Variants in ARHGAP42 observed in about 807,000 individuals in gnomAD.
The protein encoded by ARHGAP42 is rho GTPase-activating protein 42.
A neutral mutation model predicts 125.0 loss-of-function variants in ARHGAP42; 63 were observed. That is an observed-to-expected ratio of 0.50 (90% CI 0.41 to 0.62). The LOEUF is 0.62. Among genes scored for constraint, ARHGAP42 ranks in the 20% least tolerant of loss-of-function variants. The pLI, the probability that ARHGAP42 is intolerant of heterozygous loss-of-function variation, is 0.00. For synonymous variants in ARHGAP42, 339 were observed against 351.0 expected (o/e 0.97, Z 0.38); for missense variants, 766 against 1,024.2 (o/e 0.75, Z 3.44).
intron 4 of ARHGAP42, among the ~76,000 whole-genome samples, chr11:100,874,394 C>G (rs1027267570): frequency 3.3e-5 from 5 of 152,156 alleles, no homozygotes; most frequent in Admixed American, 2.0e-4. Context: ...ACATCCAGAC[C>G]ATAGCAGTGA....
At chr11:100,774,692 A>G (rs1863073492) in intron 2 of ARHGAP42, among the ~76,000 whole-genome samples, 1 of 151,614 alleles carries the variant, frequency 6.6e-6, no homozygotes, top group South Asian at 2.1e-4. Flanking sequence ...AAGAGGATAA[A>G]AAAAGGTTTT....
intron 17 of ARHGAP42, among the ~76,000 whole-genome samples, chr11:100,971,187 GT>G (rs988193561): frequency 2.6e-5 from 4 of 151,830 alleles, no homozygotes; most frequent in Non-Finnish European, 1.5e-5. Context: ...TATTCTTTAA[GT>G]TTTTTTTATA....
At position 100,992,718 on chromosome 11, in the gene ARHGAP42, A is replaced by G; in HGVS notation, c.*3917A>G. ...GAATGATGTGGACTTTTAGAGGATCAAATCAATAAATTGGATTTTTTATTT... is the reference window on the plus strand; with the variant it reads ...GAATGATGTGGACTTTTAGAGGATCGAATCAATAAATTGGATTTTTTATTT... On this transcript the variant is annotated 3_prime_UTR_variant, in exon 24 of 24. Coordinates refer to ENST00000298815, the MANE Select transcript of ARHGAP42 (RefSeq NM_152432.4). 6.5e-7 allele frequency: 1 copy of G among 1,537,404 alleles called. No homozygotes were observed. The highest frequency in any genetic ancestry group is 8.7e-7 in the Non-Finnish European group (1 of 1,146,246).
In ARHGAP42 at chr11:100,977,040, A is replaced by G. The variant is rs1047192139; in HGVS notation, c.2393+69A>G. Reference sequence around the variant, plus strand: ...GAGAGGAGTTGAGTGTTTCAGAAGAACTCTTGGGAATCCCACAAGTTGAAT... The same window carrying G: ...GAGAGGAGTTGAGTGTTTCAGAAGAGCTCTTGGGAATCCCACAAGTTGAAT... On this transcript the variant is annotated intron_variant, in intron 21 of 23. Coordinates refer to ENST00000298815, the MANE Select transcript of ARHGAP42 (RefSeq NM_152432.4). The G allele has an allele frequency of 4.0e-6, 6 of 1,515,994 alleles. No homozygotes were observed. The Admixed American group carries it at 6.1e-5, about 15-fold the overall frequency. The allele number at this position is 1,515,994 out of a possible 1,614,324, so 93.9% of individuals were successfully genotyped here. A position where few individuals can be genotyped will look rare whatever the true frequency, so the allele number is the denominator to read the frequency against.
In ARHGAP42 at chr11:100,859,556, C is replaced by G. The variant is rs768948348; in HGVS notation, c.315C>G (p.Ile105Met). 7.2e-6 allele frequency: 11 copies of G among 1,521,798 alleles called. No individual in the cohort carries two copies. In the South Asian group the frequency reaches 1.2e-4, roughly 16 times the overall value. 94.3% of individuals were successfully genotyped at this position (1,521,798 alleles called of 1,614,324 possible). Residue 105 changes from isoleucine (I) to methionine (M), a missense_variant and splice_region_variant, in exon 4 of 24, where the codon ATC (isoleucine) becomes ATG (methionine). By Grantham distance (10) the Ile-to-Met change is conservative (BLOSUM62 1). This residue lies in a region of ARHGAP42 where 455 missense variants were observed against 636.5 expected (regional missense o/e 0.71). Coordinates refer to ENST00000298815, the MANE Select transcript of ARHGAP42 (RefSeq NM_152432.4). ...TATATGTGCATTTTTTATTTCAGAT[C>G]CAAAACGCTAACGATGTATTAATTG... ...IAVEEERRRL[I>M]QNANDVLIAP... is the part of the protein sequence containing the mutation.
chr11:100,727,804 C>T (rs946499460), intron 1 of ARHGAP42, among the ~76,000 whole-genome samples: 13 of 152,290 alleles, frequency 8.5e-5, no homozygotes, highest in South Asian at 4.2e-4. Context: ...ACATTGCTTT[C>T]CTGGGTTCTG....
intron 12 of ARHGAP42, among the ~76,000 whole-genome samples, chr11:100,951,476 G>A (rs1398236267): frequency 6.6e-6 from 1 of 152,064 alleles, no homozygotes. Context: ...TCTAACATTA[G>A]TTTGATTGTT....
In ARHGAP42 at chr11:100,990,054, C is replaced by T. The variant is rs979901348; in HGVS notation, c.*1253C>T. The T allele has an allele frequency of 2.0e-5, 3 of 152,024 alleles. No individual in the cohort carries two copies. Among genetic ancestry groups the T allele is most frequent in the African/African-American group, 7.2e-5 (3 of 41,386 alleles). 9.4% of individuals were successfully genotyped at this position (152,024 alleles called of 1,614,324 possible). A position where few individuals can be genotyped will look rare whatever the true frequency, so the allele number is the denominator to read the frequency against. On this transcript the variant is annotated 3_prime_UTR_variant, in exon 24 of 24. Transcript: ENST00000298815. ...AGCATAGTAATAGGTATTTACTGTC[C>T]ACTTATATATATCAGCATCTGGTCA...
intron 1 of ARHGAP42, among the ~76,000 whole-genome samples, chr11:100,757,671 A>G (rs1428984761): frequency 6.6e-6 from 1 of 152,214 alleles, no homozygotes; most frequent in East Asian, 1.9e-4. Flanking sequence ...AGTTTCAAAA[A>G]TTGCTTTAGT....
chr11:100,937,168 A>G (rs930707183), intron 8 of ARHGAP42, among the ~76,000 whole-genome samples: 3 of 152,204 alleles, frequency 2.0e-5, no homozygotes, highest in Non-Finnish European at 4.4e-5. Context: ...TTATTACTGC[A>G]TGGACTTGAT....
At chr11:100,949,132 G>A (rs1010964589) in intron 11 of ARHGAP42, among the ~76,000 whole-genome samples, 2 of 151,884 alleles carry the variant, frequency 1.3e-5, no homozygotes, top group Non-Finnish European at 2.9e-5. Context: ...ATCAGTAGAG[G>A]GTGAACACAC....
chr11:100,785,050 C>T (rs577402164), intron 2 of ARHGAP42, among the ~76,000 whole-genome samples: 17 of 152,164 alleles, frequency 1.1e-4, no homozygotes, highest in African/African-American at 4.1e-4. Flanking sequence ...TAGTAGGGCC[C>T]TTGCTTGGAG....
intron 17 of ARHGAP42, among the ~76,000 whole-genome samples, chr11:100,966,934 C>T (rs1382710542): frequency 6.6e-6 from 1 of 152,004 alleles, no homozygotes; most frequent in African/African-American, 2.4e-5. Flanking sequence ...ATGATTAATC[C>T]TTCATTGTTC....
chr11:100,959,109 A>T (rs1427379239), intron 12 of ARHGAP42, among the ~76,000 whole-genome samples: 5 of 152,070 alleles, frequency 3.3e-5, no homozygotes, highest in Non-Finnish European at 7.4e-5. Flanking sequence ...TTTGTATCAT[A>T]GTTCAAAAAA....
intron 4 of ARHGAP42, among the ~76,000 whole-genome samples, chr11:100,863,118 G>A (rs2135146290): frequency 6.6e-6 from 1 of 150,970 alleles, no homozygotes; most frequent in East Asian, 1.9e-4. Flanking sequence ...TGAAATATAT[G>A]TATAGATCAA....
intron 4 of ARHGAP42, among the ~76,000 whole-genome samples, chr11:100,881,669 C>T (rs564552116): frequency 6.6e-6 from 1 of 152,052 alleles, no homozygotes; most frequent in Non-Finnish European, 1.5e-5. Flanking sequence ...GCTTTTGGCA[C>T]TATGGTCACT....
At chr11:100,720,429 C>T (rs919551872) in intron 1 of ARHGAP42, among the ~76,000 whole-genome samples, 1 of 152,070 alleles carries the variant, frequency 6.6e-6, no homozygotes, top group Admixed American at 6.6e-5. Context: ...TATTTCTGTC[C>T]TATTTTCCAA....
chr11:100,903,039 G>A (rs1369376528), intron 4 of ARHGAP42, among the ~76,000 whole-genome samples: 2 of 151,060 alleles, frequency 1.3e-5, no homozygotes, highest in Non-Finnish European at 2.9e-5. Flanking sequence ...CTGTGGCCAG[G>A]TCAGCTGAGG....
intron 17 of ARHGAP42, among the ~76,000 whole-genome samples, chr11:100,971,038 G>A (rs755300628): frequency 2.0e-5 from 3 of 152,080 alleles, no homozygotes; most frequent in Non-Finnish European, 4.4e-5. Context: ...TGTCTTCTTG[G>A]CCACATTTGC....
Sources: gnomAD v4.1 joint callset for allele counts (sites outside exome capture counted in the v4.1 genomes callset) on GRCh38, gnomAD v4.1.1 for gene constraint, gnomAD v4.1.1 regional missense constraint, MANE v1.5 for transcripts, NCBI Gene and HGNC (gene_info 2026-07-23, HGNC 2026-07-21) for gene names.